Variants in FAM81A observed in about 807,000 individuals in gnomAD.
FAM81A encodes protein FAM81A.
FAM81A carries 19 observed loss-of-function variants against 46.7 expected under a neutral mutation model. The ratio of observed to expected loss-of-function variants is 0.41; its 90% CI spans 0.28 to 0.60. FAM81A has a LOEUF of 0.60. Ranked by LOEUF, FAM81A falls within the 20% of genes least tolerant of loss-of-function variation. FAM81A has a pLI of 0.34. For synonymous variants in FAM81A, 183 were observed against 152.9 expected, an observed-to-expected ratio of 1.20 and a Z score of -1.45; for missense variants, 377 against 453.5, an observed-to-expected ratio of 0.83 and a Z score of 1.53.
At chr15:59,478,345 G>A (rs949550755) in intron 3 of FAM81A, among the ~76,000 whole-genome samples, 6 of 152,162 alleles carry the variant, frequency 3.9e-5, no homozygotes, top group Admixed American at 2.6e-4. Flanking sequence ...TATATCATAC[G>A]TAGTTTGCTA....
intron 8 of FAM81A, among the ~76,000 whole-genome samples, chr15:59,518,548 ACTCCTGGC>A (rs2082291544): frequency 1.3e-5 from 2 of 151,900 alleles, no homozygotes; most frequent in South Asian, 4.2e-4. Flanking sequence ...CTGGTCTGGA[ACTCCTGGC>A]CTCAAGCAGT....
intron 3 of FAM81A, among the ~76,000 whole-genome samples, chr15:59,482,612 T>C (rs2081867344): frequency 6.6e-6 from 1 of 152,228 alleles, no homozygotes; most frequent in African/African-American, 2.4e-5. Flanking sequence ...GCTCGTTCTC[T>C]AGCTTTGGTT....
At chr15:59,448,046 A>C (rs2081371029) in intron 1 of FAM81A, among the ~76,000 whole-genome samples, 1 of 152,096 alleles carries the variant, frequency 6.6e-6, no homozygotes, top group African/African-American at 2.4e-5. Context: ...AGGATGTGGT[A>C]ATGGTGGCAG....
At chr15:59,476,167 C>T (rs980187478) in intron 3 of FAM81A, among the ~76,000 whole-genome samples, 2 of 152,056 alleles carry the variant, frequency 1.3e-5, no homozygotes, top group African/African-American at 4.8e-5. Context: ...ACCTAATCAC[C>T]TCTTATAGGC....
intron 5 of FAM81A, 117 bp downstream of exon 5, chr15:59,507,459 GC>G (rs2082161839): frequency 7.5e-7 from 1 of 1,329,942 alleles, no homozygotes; most frequent in Admixed American, 2.6e-5. Flanking sequence ...ATGGGTTTAT[GC>G]CAATCATAAG....
intron 3 of FAM81A, among the ~76,000 whole-genome samples, chr15:59,487,239 A>G (rs1027187282): frequency 6.8e-6 from 1 of 146,134 alleles, no homozygotes; most frequent in South Asian, 2.1e-4. Context: ...TATATATTAT[A>G]TATATATTAG....
At chr15:59,509,742 A>G (rs1255431936) in intron 6 of FAM81A, among the ~76,000 whole-genome samples, 1 of 152,152 alleles carries the variant, frequency 6.6e-6, no homozygotes, top group Non-Finnish European at 1.5e-5. Flanking sequence ...TTTGCTCTGT[A>G]AAGAGTAGGA....
Position 59,505,513 on chromosome 15 carries a change from A to G in FAM81A, c.414-1700A>G, listed in dbSNP as rs556117604. On this transcript the variant is annotated intron_variant, in intron 4 of 8. Coordinates refer to ENST00000288228, the MANE Select transcript of FAM81A (RefSeq NM_152450.3). Reference sequence around the variant, plus strand: ...GGTGACAGAGTTAGACTCTGTCTCGAAAAAAAAAAAAAAATCACAGAAAGG... The same window carrying G: ...GGTGACAGAGTTAGACTCTGTCTCGGAAAAAAAAAAAAAATCACAGAAAGG... Among the ~76,000 whole-genome samples, 11 of 124,522 alleles carry G rather than the reference A, an allele frequency of 8.8e-5. No homozygotes were observed. The East Asian group carries it at 2.2e-3, about 24-fold the overall frequency. The allele number at this position is 124,522 out of a possible 152,430, so 81.7% of individuals were successfully genotyped here.
At chr15:59,442,595 C>T (rs1441520624) in intron 1 of FAM81A, among the ~76,000 whole-genome samples, 31 of 125,398 alleles carry the variant, frequency 2.5e-4, no homozygotes, top group South Asian at 7.7e-4. Context: ...CCAGCCTGGG[C>T]GACAGAGCGA....
chr15:59,416,354 G>T (rs112033241), intron 2 of FAM81A, among the ~76,000 whole-genome samples: 5 of 152,244 alleles, frequency 3.3e-5, no homozygotes, highest in African/African-American at 1.2e-4. Flanking sequence ...AGAGACGGGG[G>T]CTTTTGTCCA....
chr15:59,428,413 ATAT>A (rs143696862), intron 2 of FAM81A, among the ~76,000 whole-genome samples: 5,039 of 140,636 alleles, frequency 0.036, 147 homozygotes, highest in African/African-American at 0.084. Context: ...ATTCTTTTTG[ATAT>A]TATTATTATT....
At chr15:59,488,013 A>G (rs1427278331) in intron 3 of FAM81A, among the ~76,000 whole-genome samples, 1 of 152,188 alleles carries the variant, frequency 6.6e-6, no homozygotes, top group Non-Finnish European at 1.5e-5. Flanking sequence ...CTGATGCAAA[A>G]ACCCTCAACA....
At chr15:59,452,710 T>C (rs1372643266) in intron 1 of FAM81A, among the ~76,000 whole-genome samples, 1 of 152,194 alleles carries the variant, frequency 6.6e-6, no homozygotes, top group Non-Finnish European at 1.5e-5. Flanking sequence ...ATGCTCATGA[T>C]GTAGTGTCAA....
intron 1 of FAM81A, among the ~76,000 whole-genome samples, chr15:59,399,471 T>C (rs2081061206): frequency 6.6e-6 from 1 of 151,804 alleles, no homozygotes; most frequent in Admixed American, 6.6e-5. Flanking sequence ...GCCACAAACA[T>C]TGAACCCAGC....
chr15:59,479,645 T>G (rs1443095702), intron 3 of FAM81A, among the ~76,000 whole-genome samples: 1 of 150,108 alleles, frequency 6.7e-6, no homozygotes, highest in Non-Finnish European at 1.5e-5. Flanking sequence ...CCCAGGGGGA[T>G]CACTCCAGAG....
intron 2 of FAM81A, among the ~76,000 whole-genome samples, chr15:59,418,584 A>T (rs1397069436): frequency 6.6e-6 from 1 of 152,172 alleles, no homozygotes; most frequent in Non-Finnish European, 1.5e-5. Context: ...TAGTTCATGT[A>T]TTCAGCTATT....
chr15:59,416,379 C>G (rs915572393), intron 2 of FAM81A, among the ~76,000 whole-genome samples: 5 of 152,244 alleles, frequency 3.3e-5, no homozygotes, highest in Admixed American at 2.6e-4. Flanking sequence ...CTCCTCTCCC[C>G]TTTGGTTAAG....
In FAM81A at chr15:59,492,253, G is replaced by GT; in HGVS notation, c.295-12dup. The GT allele has an allele frequency of 6.3e-7, 1 of 1,583,888 alleles. No homozygotes were observed. The highest frequency in any genetic ancestry group is 8.6e-7 in the Non-Finnish European group (1 of 1,156,340). On this transcript the variant is annotated splice_polypyrimidine_tract_variant and intron_variant, in intron 3 of 8. Transcript: ENST00000288228. ...TGAATTCTTAGATGACTCCCTTAGT[G>GT]TTTTTTATGTTGCCCAGGTACTCCA...
chr15:59,401,378 T>C (rs1246180138), intron 1 of FAM81A: 2 of 787,794 alleles, frequency 2.5e-6, no homozygotes. Flanking sequence ...CAAAGTTGTA[T>C]ACAGTGGGGA....
Sources: allele counts gnomAD v4.1 joint callset (sites outside exome capture counted in the v4.1 genomes callset), GRCh38; gene constraint gnomAD v4.1.1; transcripts MANE v1.5; gene names NCBI Gene and HGNC (gene_info 2026-07-23, HGNC 2026-07-21).